Variants in NEK11 observed in about 807,000 individuals in gnomAD.
NEK11 encodes NIMA related kinase 11.
Under a neutral mutation model 80.7 loss-of-function variants are expected in NEK11, and 72 were observed. The observed-to-expected ratio is 0.89, with a 90% confidence interval of 0.74 to 1.08. The LOEUF is 1.08. NEK11 is among the 50% of genes least tolerant of loss of function. The pLI, the probability that NEK11 is intolerant of heterozygous loss-of-function variation, is 0.00. For synonymous variants in NEK11, 251 were observed against 260.7 expected (o/e 0.96, Z 0.36); for missense variants, 764 against 763.6 (o/e 1.00, Z -0.01).
At chr3:131,322,900 G>A (rs745850665) in intron 17 of NEK11, among the ~76,000 whole-genome samples, 3 of 152,150 alleles carry the variant, frequency 2.0e-5, no homozygotes, top group Non-Finnish European at 4.4e-5. Context: ...AACCCATGTA[G>A]AGAGTCCACT....
intron 3 of NEK11, among the ~76,000 whole-genome samples, chr3:131,032,228 C>T (rs1239651796): frequency 6.6e-6 from 1 of 152,194 alleles, no homozygotes; most frequent in African/African-American, 2.4e-5. Context: ...TCCCAAAGTG[C>T]TGAGATTACA....
At chr3:131,200,425 T>A (rs2094183677) in intron 14 of NEK11, among the ~76,000 whole-genome samples, 1 of 152,202 alleles carries the variant, frequency 6.6e-6, no homozygotes, top group African/African-American at 2.4e-5. Context: ...AAAATAGCTC[T>A]TGGCATCTTC....
intron 5 of NEK11, among the ~76,000 whole-genome samples, chr3:131,120,946 G>T (rs559252401): frequency 2.0e-5 from 3 of 152,158 alleles, no homozygotes; most frequent in Non-Finnish European, 4.4e-5. Flanking sequence ...GCTCGGGGAA[G>T]TTTGTTATTA....
chr3:131,329,958 A>AG (rs2097046756), intron 17 of NEK11: 1 of 152,312 alleles, frequency 6.6e-6, no homozygotes, highest in African/African-American at 2.4e-5. Flanking sequence ...AAGTGAAAGT[A>AG]GGCTTACCGT....
chr3:131,052,387 C>T (rs905708428), intron 3 of NEK11, among the ~76,000 whole-genome samples: 2 of 152,114 alleles, frequency 1.3e-5, no homozygotes, highest in African/African-American at 4.8e-5. Flanking sequence ...GCCACTATTT[C>T]TTGCATGAAT....
At chr3:131,207,776 G>A (rs572877062) in intron 14 of NEK11, among the ~76,000 whole-genome samples, 260 of 152,258 alleles carry the variant, frequency 1.7e-3, no homozygotes, top group African/African-American at 5.9e-3. Context: ...TTTGAGAAGT[G>A]TCTGTTCATA....
At chr3:131,300,792 T>G (rs957371130) in intron 17 of NEK11, among the ~76,000 whole-genome samples, 60 of 152,332 alleles carry the variant, frequency 3.9e-4, no homozygotes, top group African/African-American at 1.4e-3. Context: ...CCTTTTGATA[T>G]AGTTTGAAGT....
chr3:131,212,443 A>C (rs1038562893), intron 14 of NEK11, among the ~76,000 whole-genome samples: 2 of 152,216 alleles, frequency 1.3e-5, no homozygotes, highest in Non-Finnish European at 2.9e-5. Context: ...CTCGGGGGTC[A>C]GGGACCCACT....
rs145097107 is a variant in NEK11 at position 131,209,366 on chromosome 3, G to C, written c.1400-19162G>C. 8.1e-3 allele frequency among the ~76,000 whole-genome samples: 1,237 copies of C among 152,258 alleles called. 22 individuals carry two copies. The highest frequency in any genetic ancestry group is 0.028 in the African/African-American group (1,170 of 41,532). ...GGATAAGCTTTTTTGATGTGCTGCT[G>C]GATTTGGTTTGCCGGTATTTTATTG... On this transcript the variant is annotated intron_variant, in intron 14 of 17. Transcript: ENST00000383366.
chr3:131,102,616 A>G lies in NEK11; in HGVS notation c.337-7187A>G, dbSNP rs565102858. ...CTCTTCCTTTAAGATTTTTTCTTTTACCTTGACCTTGGTGAATCTGATGAC... is the reference window on the plus strand; with the variant it reads ...CTCTTCCTTTAAGATTTTTTCTTTTGCCTTGACCTTGGTGAATCTGATGAC... On this transcript the variant is annotated intron_variant, in intron 4 of 17. Coordinates refer to ENST00000383366, the MANE Select transcript of NEK11 (RefSeq NM_024800.5). 2.0e-5 allele frequency among the ~76,000 whole-genome samples: 3 copies of G among 152,144 alleles called. No individual in the cohort carries two copies. The South Asian group carries it at 6.2e-4, about 32-fold the overall frequency.
At chr3:131,128,394 T>C (rs1330469482) in intron 5 of NEK11, among the ~76,000 whole-genome samples, 1 of 152,220 alleles carries the variant, frequency 6.6e-6, no homozygotes, top group Non-Finnish European at 1.5e-5. Context: ...GATTGTCATA[T>C]AGCTGGAATC....
intron 7 of NEK11, among the ~76,000 whole-genome samples, chr3:131,145,712 A>G (rs2088050169): frequency 6.6e-6 from 1 of 152,100 alleles, no homozygotes; most frequent in South Asian, 2.1e-4. Context: ...TAGCATAGAG[A>G]GTCTGTGTCT....
intron 12 of NEK11, among the ~76,000 whole-genome samples, chr3:131,168,187 C>T (rs1449477801): frequency 6.6e-6 from 1 of 152,160 alleles, no homozygotes; most frequent in Non-Finnish European, 1.5e-5. Context: ...CTTGTCAGCC[C>T]ACTTGGGTCC....
rs1578867226 is a variant in NEK11, at chr3:131,134,921, T to A, written c.647+965T>A. ...TAGAAGAGGAATCTTATTATATACTTTTCTGCTTGTTGAGGGTTGAAAGAA... is the reference window on the plus strand; with the variant it reads ...TAGAAGAGGAATCTTATTATATACTATTCTGCTTGTTGAGGGTTGAAAGAA... On this transcript the variant is annotated intron_variant, in intron 7 of 17. Coordinates refer to ENST00000383366, the MANE Select transcript of NEK11 (RefSeq NM_024800.5). Among the ~76,000 whole-genome samples, 4 of 152,282 alleles carry A rather than the reference T, an allele frequency of 2.6e-5. No homozygotes were observed. In the South Asian group the frequency reaches 8.3e-4, roughly 32 times the overall value.
intron 16 of NEK11, among the ~76,000 whole-genome samples, chr3:131,267,269 G>A (rs2108576646): frequency 6.6e-6 from 1 of 152,346 alleles, no homozygotes; most frequent in Non-Finnish European, 1.5e-5. Flanking sequence ...AGTTGATGCA[G>A]TTTCTTCATA....
chr3:131,066,691 A>C (rs1356117419), intron 3 of NEK11, among the ~76,000 whole-genome samples: 1 of 151,882 alleles, frequency 6.6e-6, no homozygotes, highest in East Asian at 1.9e-4. Context: ...TAAATACAAA[A>C]ATTAGCCAGG....
chr3:131,199,690 T>C (rs564017745), intron 14 of NEK11, among the ~76,000 whole-genome samples: 5 of 152,124 alleles, frequency 3.3e-5, no homozygotes, highest in Admixed American at 3.3e-4. Context: ...AAATATAATA[T>C]CTTATAAAAC....
chr3:131,315,998 A>G (rs2096835509), intron 17 of NEK11, among the ~76,000 whole-genome samples: 1 of 152,174 alleles, frequency 6.6e-6, no homozygotes, highest in Non-Finnish European at 1.5e-5. Context: ...GTACAAAGGC[A>G]TAAATATTTT....
chr3:131,326,516 C>T (rs1416939412), intron 17 of NEK11, among the ~76,000 whole-genome samples: 2 of 152,206 alleles, frequency 1.3e-5, no homozygotes, highest in Non-Finnish European at 2.9e-5. Flanking sequence ...TCTCCCAAGT[C>T]TTGGCTTGTA....
Sources: allele counts gnomAD v4.1 joint callset (sites outside exome capture counted in the v4.1 genomes callset), GRCh38; gene constraint gnomAD v4.1.1; transcripts MANE v1.5; gene names NCBI Gene and HGNC (gene_info 2026-07-23, HGNC 2026-07-21).